Variants in RNF17 observed in about 807,000 individuals in gnomAD.
The protein encoded by RNF17 is ring finger protein 17.
Under a neutral mutation model 200.5 loss-of-function variants are expected in RNF17, and 31 were observed. The observed-to-expected ratio is 0.15, with a 90% CI of 0.12 to 0.21. RNF17 has a LOEUF of 0.21. Ranked by LOEUF, RNF17 falls within the 10% of genes least tolerant of loss-of-function variation. The pLI is 1.00. For missense variants in RNF17, 1,628 were observed against 1,905.1 expected (o/e 0.85, Z 2.71); for synonymous variants, 606 against 637.8 (o/e 0.95, Z 0.75).
At chr13:24,865,209 C>T (rs903039983) in intron 29 of RNF17, among the ~76,000 whole-genome samples, 3 of 152,216 alleles carry the variant, frequency 2.0e-5, no homozygotes, top group Non-Finnish European at 4.4e-5. Context: ...CATTAAGATT[C>T]AATTAATGTT....
At chr13:24,840,593 C>T (rs1890520925) in intron 18 of RNF17, among the ~76,000 whole-genome samples, 1 of 152,068 alleles carries the variant, frequency 6.6e-6, no homozygotes, top group Non-Finnish European at 1.5e-5. Context: ...GAATTAACAG[C>T]ATTTGCAGTG....
At chr13:24,881,048 G>A (rs1029763293), downstream of RNF17, among the ~76,000 whole-genome samples, 14 of 152,166 alleles carry the variant, frequency 9.2e-5, no homozygotes, top group Admixed American at 2.0e-4. Context: ...TAGAAACAAT[G>A]TATTCTAGTC....
intron 22 of RNF17, among the ~76,000 whole-genome samples, chr13:24,846,626 G>A (rs142762411): frequency 3.2e-4 from 49 of 152,160 alleles, no homozygotes; most frequent in East Asian, 1.9e-3. Flanking sequence ...TGGTTTCTCT[G>A]GGCCACATTG....
intron 29 of RNF17, among the ~76,000 whole-genome samples, chr13:24,865,351 T>C (rs183153233): frequency 1.3e-5 from 2 of 152,306 alleles, no homozygotes; most frequent in African/African-American, 2.4e-5. Flanking sequence ...TTTTTTCCTT[T>C]TACTTGACAC....
chr13:24,799,276 A>G (rs957005570), intron 11 of RNF17, 119 bp from the exon 12 acceptor site: 14 of 743,884 alleles, frequency 1.9e-5, no homozygotes, highest in Non-Finnish European at 2.3e-5. Context: ...ACACAGTGCT[A>G]TATCATCATT....
At chr13:24,818,090 A>T (rs1597673) in intron 15 of RNF17, among the ~76,000 whole-genome samples, 130,580 of 152,082 alleles carry the variant, frequency 0.86, 56,141 homozygotes, top group Middle Eastern at 0.93. Context: ...TTGTTTTCAT[A>T]TTCCTTTGTC....
chr13:24,764,465 C>A (rs1380853362), intron 1 of RNF17, 132 bp downstream of exon 1: 77 of 1,302,400 alleles, frequency 5.9e-5, no homozygotes, highest in Non-Finnish European at 7.7e-5. Context: ...GCGTCACAGG[C>A]CTCCCGCGAG....
intron 5 of RNF17, among the ~76,000 whole-genome samples, chr13:24,780,876 C>T (rs919730080): frequency 6.0e-5 from 9 of 150,840 alleles, no homozygotes; most frequent in Middle Eastern, 3.4e-3. Flanking sequence ...AGTAAAACTC[C>T]GTTTCCAAAA....
At chr13:24,805,128 A>G (rs916116322) in intron 15 of RNF17, among the ~76,000 whole-genome samples, 4 of 152,030 alleles carry the variant, frequency 2.6e-5, no homozygotes, top group Admixed American at 1.3e-4. Context: ...TGGCTCCTCA[A>G]ATGAGTTGTG....
chr13:24,834,419 T>TAACAACAACAAC (rs140606076), intron 18 of RNF17, among the ~76,000 whole-genome samples: 34 of 150,504 alleles, frequency 2.3e-4, no homozygotes, highest in Middle Eastern at 3.4e-3. Context: ...CATCTCAAAT[T>TAACAACAACAAC]AACAACAACA....
At chr13:24,805,700 C>T (rs1885762218) in intron 15 of RNF17, among the ~76,000 whole-genome samples, 2 of 152,124 alleles carry the variant, frequency 1.3e-5, no homozygotes, top group Admixed American at 1.3e-4. Context: ...CTTTCAGTTC[C>T]TCTGGTATGT....
chr13:24,882,028 A>ATACATC (rs1491114417), downstream of RNF17, among the ~76,000 whole-genome samples: 1 of 29,258 alleles, frequency 3.4e-5, no homozygotes, highest in Non-Finnish European at 7.1e-5. Flanking sequence ...ATCTATATAG[A>ATACATC]TATATAGATA....
At chr13:24,848,008 A>G (rs571026092) in intron 22 of RNF17, among the ~76,000 whole-genome samples, 6 of 152,336 alleles carry the variant, frequency 3.9e-5, no homozygotes, top group East Asian at 1.9e-4. Context: ...ATGGAATACC[A>G]TTATCATTTT....
At chr13:24,790,428 C>T (rs1299921157) in intron 9 of RNF17, among the ~76,000 whole-genome samples, 2 of 151,918 alleles carry the variant, frequency 1.3e-5, no homozygotes, top group Non-Finnish European at 2.9e-5. Flanking sequence ...GTATAGTAGC[C>T]ACTAATCACA....
chr13:24,851,401 A>G (rs1395216499), intron 23 of RNF17, 55 bp from the exon 24 acceptor site: 7 of 1,154,950 alleles, frequency 6.1e-6, no homozygotes, highest in South Asian at 2.6e-5. Flanking sequence ...CACATTGTTT[A>G]TATGAAGATT....
At chr13:24,871,363 A>T (rs965525294) in intron 32 of RNF17, among the ~76,000 whole-genome samples, 1 of 152,196 alleles carries the variant, frequency 6.6e-6, no homozygotes, top group African/African-American at 2.4e-5. Flanking sequence ...TTTGAGACAG[A>T]GTCTCGTTTT....
chr13:24,791,361 CATCA>C (rs1050037024), intron 9 of RNF17, among the ~76,000 whole-genome samples: 17 of 152,118 alleles, frequency 1.1e-4, no homozygotes, highest in African/African-American at 4.1e-4. Flanking sequence ...AGGGAAGCAT[CATCA>C]ATGGTTTGTT....
At chr13:24,821,196 A>G (rs938147707) in intron 15 of RNF17, among the ~76,000 whole-genome samples, 1 of 151,964 alleles carries the variant, frequency 6.6e-6, no homozygotes, top group African/African-American at 2.4e-5. Context: ...TCTGTACCCA[A>G]ATTTTGCCGT....
chr13:24,854,153 TTC>T lies in RNF17; in HGVS notation c.3610+11_3610+12del. 1 of 1,596,322 alleles carries T rather than the reference TTC, an allele frequency of 6.3e-7. No homozygotes were observed. Among genetic ancestry groups the T allele is most frequent in the Non-Finnish European group, 8.6e-7 (1 of 1,168,010 alleles). ...AGTACCTAAACTATCAGGTGAGACC[TTC>T]TATGTTATGTAGGCTCTAGTTCTCT... On this transcript the variant is annotated intron_variant, in intron 25 of 35. Coordinates refer to ENST00000255324, the MANE Select transcript of RNF17 (RefSeq NM_031277.3).
Sources: gnomAD v4.1 joint callset for allele counts (sites outside exome capture counted in the v4.1 genomes callset) on GRCh38, gnomAD v4.1.1 for gene constraint, MANE v1.5 for transcripts, NCBI Gene and HGNC (gene_info 2026-07-23, HGNC 2026-07-21) for gene names.